THSD4: variants seen among roughly 807,000 people sequenced by gnomAD.
The protein encoded by THSD4 is thrombospondin type-1 domain-containing protein 4.
In THSD4, 69 loss-of-function variants were observed where a neutral mutation model predicts 119.0. The ratio of observed to expected loss-of-function variants is 0.58; its 90% CI spans 0.48 to 0.71. The LOEUF (loss-of-function observed/expected upper bound fraction) is 0.71. THSD4 is among the 30% of genes least tolerant of loss of function. THSD4 has a pLI of 0.00. For synonymous variants in THSD4, 524 were observed against 540.4 expected (o/e 0.97, Z 0.42); for missense variants, 1,393 against 1,391.1 (o/e 1.00, Z -0.02).
At chr15:71,265,068 C>A (rs2044448328) in intron 6 of THSD4, among the ~76,000 whole-genome samples, 1 of 151,812 alleles carries the variant, frequency 6.6e-6, no homozygotes, top group African/African-American at 2.4e-5. Context: ...ACCTGGGGAC[C>A]CAGGCCGATA....
At position 71,622,351 on chromosome 15, in the gene THSD4, C is replaced by A. The variant is rs144703263; in HGVS notation, c.1153-38179C>A. Among the ~76,000 whole-genome samples, 830 of 152,262 alleles carry A rather than the reference C, an allele frequency of 5.5e-3. 7 individuals carry two copies. Among genetic ancestry groups the A allele is most frequent in the Non-Finnish European group, 9.2e-3 (629 of 68,016 alleles). ...AGAGTTTCTGTCAAGTTTAATTAAACCTTTTCTACTGGAGACTTTTTCAAG... is the reference window on the plus strand; with the variant it reads ...AGAGTTTCTGTCAAGTTTAATTAAAACTTTTCTACTGGAGACTTTTTCAAG... On this transcript the variant is annotated intron_variant, in intron 7 of 17. Coordinates refer to ENST00000261862, the MANE Select transcript of THSD4 (RefSeq NM_024817.3).
At chr15:71,362,884 G>A (rs1420272922) in intron 6 of THSD4, among the ~76,000 whole-genome samples, 1 of 151,406 alleles carries the variant, frequency 6.6e-6, no homozygotes, top group African/African-American at 2.4e-5. Flanking sequence ...CTGTAAAGCA[G>A]GGGTGTCTAA....
At chr15:71,363,355 C>T (rs919992866) in intron 6 of THSD4, among the ~76,000 whole-genome samples, 41 of 152,208 alleles carry the variant, frequency 2.7e-4, no homozygotes, top group African/African-American at 9.4e-4. Flanking sequence ...GTCTAATTGG[C>T]TGTTATATTC....
At chr15:71,242,473 C>T (rs1174192986) in intron 4 of THSD4, among the ~76,000 whole-genome samples, 176 bp from the exon 5 acceptor site, 1 of 152,168 alleles carries the variant, frequency 6.6e-6, no homozygotes. Context: ...AGCCTCTGTT[C>T]CAGCCTCCAT....
At chr15:71,424,731 G>A (rs969907538) in intron 7 of THSD4, among the ~76,000 whole-genome samples, 2 of 152,110 alleles carry the variant, frequency 1.3e-5, no homozygotes, top group Admixed American at 6.6e-5. Flanking sequence ...CATTAACCAC[G>A]CTATGATTTA....
At chr15:71,526,299 A>T (rs1205641590) in intron 7 of THSD4, among the ~76,000 whole-genome samples, 3 of 151,844 alleles carry the variant, frequency 2.0e-5, no homozygotes, top group Non-Finnish European at 4.4e-5. Flanking sequence ...CGGCTTCCAG[A>T]CTCCCTGCAA....
chr15:71,160,624 C>G (rs546255754), intron 3 of THSD4, among the ~76,000 whole-genome samples: 1 of 151,922 alleles, frequency 6.6e-6, no homozygotes, highest in East Asian at 1.9e-4. Flanking sequence ...ATAATAGTGT[C>G]TTTCTGTGTT....
intron 7 of THSD4, among the ~76,000 whole-genome samples, chr15:71,507,173 A>G (rs1271567760): frequency 7.2e-5 from 11 of 152,174 alleles, no homozygotes; most frequent in Non-Finnish European, 1.6e-4. Flanking sequence ...TTCCTCCTGT[A>G]CACCTGTAAT....
At chr15:71,550,128 A>G (rs1595877241) in intron 7 of THSD4, among the ~76,000 whole-genome samples, 1 of 152,272 alleles carries the variant, frequency 6.6e-6, no homozygotes, top group Admixed American at 6.5e-5. Context: ...ACACTTGTAC[A>G]GATGGGGCGT....
chr15:71,768,567 T>TTA (rs2053756526), intron 16 of THSD4, among the ~76,000 whole-genome samples: 2 of 145,424 alleles, frequency 1.4e-5, no homozygotes, highest in Admixed American at 1.4e-4. Context: ...CTGATTTTTT[T>TTA]TTTTTTTTTT....
chr15:71,349,270 TGG>T (rs2045712003), intron 6 of THSD4, among the ~76,000 whole-genome samples: 1 of 152,248 alleles, frequency 6.6e-6, no homozygotes, highest in South Asian at 2.1e-4. Flanking sequence ...GATACAGAAG[TGG>T]CCAGCCCAGA....
chr15:71,660,418 A>G, intron 7 of THSD4, 112 bp from the exon 8 acceptor site: 1 of 1,313,494 alleles, frequency 7.6e-7, no homozygotes, highest in Admixed American at 1.8e-5. Flanking sequence ...CCTAGAATAT[A>G]CATTTCGTAA....
At chr15:71,538,429 C>G (rs1247917280) in intron 7 of THSD4, among the ~76,000 whole-genome samples, 1 of 152,192 alleles carries the variant, frequency 6.6e-6, no homozygotes, top group Non-Finnish European at 1.5e-5. Flanking sequence ...AATGATCTGT[C>G]TCTTCTGTCG....
chr15:71,327,722 C>G (rs1048841266), intron 6 of THSD4, among the ~76,000 whole-genome samples: 1 of 151,850 alleles, frequency 6.6e-6, no homozygotes, highest in African/African-American at 2.4e-5. Context: ...ATTTGGATTT[C>G]TTTTTTATAA....
intron 3 of THSD4, chr15:71,164,645 T>G: frequency 6.9e-7 from 1 of 1,458,968 alleles, no homozygotes; most frequent in South Asian, 1.4e-5. Context: ...AAAAAGACAC[T>G]GTACAGTTTA....
chr15:71,756,616 C>T (rs1169690304), intron 14 of THSD4, among the ~76,000 whole-genome samples: 1 of 152,036 alleles, frequency 6.6e-6, no homozygotes, highest in East Asian at 1.9e-4. Context: ...AATCCCGTCT[C>T]TACAAAAAAA....
chr15:71,505,571 C>T (rs762773150), intron 7 of THSD4, among the ~76,000 whole-genome samples: 3 of 152,042 alleles, frequency 2.0e-5, no homozygotes, highest in Non-Finnish European at 4.4e-5. Flanking sequence ...AAGCAGCGGT[C>T]AAAAGCAAAA....
chr15:71,499,103 G>A (rs900307508), intron 7 of THSD4, among the ~76,000 whole-genome samples: 5 of 152,132 alleles, frequency 3.3e-5, no homozygotes, highest in African/African-American at 1.2e-4. Context: ...GCTTGGCATT[G>A]ATCAGATGGG....
At chr15:71,746,456 A>G (rs2053339476) in intron 12 of THSD4, among the ~76,000 whole-genome samples, 1 of 152,006 alleles carries the variant, frequency 6.6e-6, no homozygotes, top group Admixed American at 6.6e-5. Flanking sequence ...GTGCAGTGGC[A>G]CAATCATGGC....
Sources: allele counts gnomAD v4.1 joint callset (sites outside exome capture counted in the v4.1 genomes callset), GRCh38; gene constraint gnomAD v4.1.1; transcripts MANE v1.5; gene names NCBI Gene and HGNC (gene_info 2026-07-23, HGNC 2026-07-21).